Variants in HLTF observed in about 807,000 individuals in gnomAD.
The protein encoded by HLTF is DNA-dependent ATPase/E3 ubiquitin-protein ligase HLTF.
A neutral mutation model predicts 129.4 loss-of-function variants in HLTF; 127 were observed. The observed-to-expected ratio is 0.98, with a 90% CI of 0.85 to 1.14. HLTF has a LOEUF of 1.14. Ranked by LOEUF, HLTF falls within the 50% of genes most tolerant of loss-of-function variation. HLTF has a pLI of 0.00. For missense variants in HLTF, 1,139 were observed against 1,187.1 expected (o/e 0.96, Z 0.60); for synonymous variants, 332 against 388.8 (o/e 0.85, Z 1.72).
In HLTF at chr3:149,048,141, T is replaced by G; in HGVS notation, c.1779A>C (p.Leu593Phe). 1.2e-6 allele frequency: 2 copies of G among 1,609,322 alleles called. No homozygotes were observed. Among genetic ancestry groups the G allele is most frequent in the South Asian group, 2.2e-5 (2 of 90,140 alleles). ...AGGAAAGAAGAGACCACAAGTCCTTTAAAGAATTCTGGATTGGAGTACCTA... is the reference window on the plus strand; with the variant it reads ...AGGAAAGAAGAGACCACAAGTCCTTGAAAGAATTCTGGATTGGAGTACCTA... ...VLTGTPIQNS[L>F]KDLWSLLSFL... Residue 593 changes from leucine to phenylalanine, a missense_variant, in exon 17 of 25, where the codon TTA becomes TTC. Coordinates refer to ENST00000310053, the MANE Select transcript of HLTF (RefSeq NM_003071.4).
intron 14 of HLTF, among the ~76,000 whole-genome samples, chr3:149,054,450 A>T (rs1430198922): frequency 6.6e-6 from 1 of 152,178 alleles, no homozygotes; most frequent in Non-Finnish European, 1.5e-5. Flanking sequence ...TCTTAAAAAG[A>T]GTAGGATCTC....
chr3:149,042,032 G>A, intron 19 of HLTF, 134 bp downstream of exon 19: 1 of 734,992 alleles, frequency 1.4e-6, no homozygotes, highest in South Asian at 1.9e-5. Context: ...ATTCCTAGCT[G>A]AGTCTCACAC....
intron 2 of HLTF, 71 bp downstream of exon 2, chr3:149,084,611 G>T: frequency 9.1e-7 from 1 of 1,099,702 alleles, no homozygotes; most frequent in Non-Finnish European, 1.3e-6. Context: ...CACATCACCT[G>T]CGAATTCTCT....
intron 4 of HLTF, among the ~76,000 whole-genome samples, chr3:149,074,009 C>T (rs1486179962): frequency 6.6e-6 from 1 of 152,060 alleles, no homozygotes; most frequent in Non-Finnish European, 1.5e-5. Flanking sequence ...TCCCCTCACT[C>T]TTACTGTGTA....
At chr3:149,050,597 G>A (rs1716904249) in intron 14 of HLTF, among the ~76,000 whole-genome samples, 1 of 152,098 alleles carries the variant, frequency 6.6e-6, no homozygotes, top group African/African-American at 2.4e-5. Flanking sequence ...CTACCAATCA[G>A]CAACTGCTTC....
At position 149,040,051 on chromosome 3, in the gene HLTF, C is replaced by A. The variant is rs752525526; in HGVS notation, c.2482G>T (p.Glu828Ter). 1.9e-6 allele frequency: 3 copies of A among 1,611,176 alleles called. No homozygotes were observed. The South Asian group carries it at 3.3e-5, about 18-fold the overall frequency. ...ARDSEKKSDM[E>*]WTSSSKINAL... ...TTTACCTTTGAACTGGATGTCCATT[C>A]CATATCAGACTTTTTCTCACTGTCA... Residue 828 changes from glutamate (E) to a stop codon, truncating the protein, a stop_gained, in exon 21 of 25, where the codon GAA becomes TAA. Coordinates refer to ENST00000310053, the MANE Select transcript of HLTF (RefSeq NM_003071.4). LOFTEE classifies it high-confidence loss of function.
intron 23 of HLTF, among the ~76,000 whole-genome samples, chr3:149,037,686 G>C (rs1466524034): frequency 6.6e-6 from 1 of 152,114 alleles, no homozygotes; most frequent in Non-Finnish European, 1.5e-5. Flanking sequence ...ATTCCTACAT[G>C]TATCTCAGTA....
At chr3:149,079,030 C>A (rs1719642126) in intron 2 of HLTF, among the ~76,000 whole-genome samples, 1 of 151,846 alleles carries the variant, frequency 6.6e-6, no homozygotes, top group African/African-American at 2.4e-5. Flanking sequence ...TTTGAGCAGG[C>A]ATAAGAAAAA....
At position 149,030,334 on chromosome 3, in the gene HLTF, T is replaced by G. The variant is rs1714896140; in HGVS notation, c.*1886A>C. On this transcript the variant is annotated 3_prime_UTR_variant, in exon 25 of 25. Coordinates refer to ENST00000310053, the MANE Select transcript of HLTF (RefSeq NM_003071.4). ...CCTTCTTAGGAAGGACAAATTAAAT[T>G]TTTTAAATTAAACTTTTAAAATATA... The G allele has an allele frequency of 6.6e-6, 1 of 152,194 alleles. No individual in the cohort carries two copies. Among genetic ancestry groups the G allele is most frequent in the Admixed American group, 6.5e-5 (1 of 15,280 alleles). The allele number at this position is 152,194 out of a possible 1,614,324, so 9.4% of individuals were successfully genotyped here.
At position 149,042,219 on chromosome 3, in the gene HLTF, AT is replaced by A; in HGVS notation, c.2143del (p.Ile715PhefsTer26). ...TGTAAGAAGGTAAGTATGGCAACAAATTTGCCGCAGTCTAAGCAAAAGACCC... is the reference window on the plus strand; with the variant it reads ...TGTAAGAAGGTAAGTATGGCAACAAATTGCCGCAGTCTAAGCAAAAGACCC... ...VLGLLLRLRQ[I>X]CCHTYLLTNA... On this transcript the variant is annotated frameshift_variant, in exon 19 of 25. Coordinates refer to ENST00000310053, the MANE Select transcript of HLTF (RefSeq NM_003071.4). LOFTEE classifies it high-confidence loss of function. 6.2e-7 allele frequency: 1 copy of A among 1,613,272 alleles called. No individual in the cohort carries two copies. Among genetic ancestry groups the A allele is most frequent in the South Asian group, 1.1e-5 (1 of 91,050 alleles).
intron 8 of HLTF, among the ~76,000 whole-genome samples, chr3:149,065,477 C>T (rs1718286718): frequency 6.6e-6 from 1 of 152,086 alleles, no homozygotes; most frequent in African/African-American, 2.4e-5. Flanking sequence ...AAAATCCCCC[C>T]TTAGAGTTAA....
In HLTF at chr3:149,086,357, G is replaced by C. The variant is rs1268474583; in HGVS notation, c.-21C>G. 4.4e-6 allele frequency: 7 copies of C among 1,583,690 alleles called. No individual in the cohort carries two copies. The highest frequency in any genetic ancestry group is 2.3e-5 in the East Asian group (1 of 43,372). ...GACATGGCGCTGAGTGGGATGACAA[G>C]AGGAGCGCCTCGGCTCCCCTGGATC... On this transcript the variant is annotated 5_prime_UTR_variant, in exon 1 of 25. Coordinates refer to ENST00000310053, the MANE Select transcript of HLTF (RefSeq NM_003071.4).
chr3:149,039,954 C>A (rs939613457), intron 21 of HLTF, 77 bp downstream of exon 21: 3 of 1,281,766 alleles, frequency 2.3e-6, no homozygotes, highest in Non-Finnish European at 3.2e-6. Flanking sequence ...AGCAGAATTA[C>A]GATTTTGATA....
intron 11 of HLTF, 43 bp from the exon 12 acceptor site, chr3:149,060,730 G>C (rs562227001): frequency 2.5e-6 from 4 of 1,604,108 alleles, no homozygotes; most frequent in Non-Finnish European, 3.4e-6. Context: ...GGCAAAACAG[G>C]ACATTAGAAT....
At chr3:149,077,199 GAT>G (rs1292993087) in intron 2 of HLTF, among the ~76,000 whole-genome samples, 3 of 151,894 alleles carry the variant, frequency 2.0e-5, no homozygotes, top group Non-Finnish European at 4.4e-5. Flanking sequence ...AGTGAGCCAA[GAT>G]AGTGCCCCTG....
chr3:149,063,528 T>C lies in HLTF; in HGVS notation c.1067-4A>G, dbSNP rs777498395. 6 of 1,555,806 alleles carry C rather than the reference T, an allele frequency of 3.9e-6. No individual in the cohort carries two copies. The highest frequency in any genetic ancestry group is 5.3e-6 in the Non-Finnish European group (6 of 1,127,474). Reference sequence around the variant, plus strand: ...TGTTCACTACATCTAGATGCGTCTATTTCAAAGAAAAATGCAAATATAAAG... The same window carrying C: ...TGTTCACTACATCTAGATGCGTCTACTTCAAAGAAAAATGCAAATATAAAG... On this transcript the variant is annotated splice_region_variant and splice_polypyrimidine_tract_variant and intron_variant, in intron 9 of 24. Coordinates refer to ENST00000310053, the MANE Select transcript of HLTF (RefSeq NM_003071.4).
intron 13 of HLTF, among the ~76,000 whole-genome samples, chr3:149,058,324 C>T (rs1717647840): frequency 1.3e-5 from 2 of 152,108 alleles, no homozygotes; most frequent in South Asian, 4.1e-4. Flanking sequence ...TCCCAAAGTG[C>T]TGCAATTTCA....
intron 23 of HLTF, among the ~76,000 whole-genome samples, chr3:149,036,196 G>A (rs138867242): frequency 6.6e-6 from 1 of 151,500 alleles, no homozygotes; most frequent in Non-Finnish European, 1.5e-5. Flanking sequence ...AATGAAAAGG[G>A]AAGAATAACC....
At position 149,065,863 on chromosome 3, in the gene HLTF, G is replaced by A. The variant is rs1054159666; in HGVS notation, c.991-997C>T. The stretch of plus-strand genomic sequence containing the variant: ...CCAAATACAATATTTTTAGAGATAC[G>A]TAACTAGAAGAGTTACTTTAGACAG... On this transcript the variant is annotated intron_variant, in intron 8 of 24. Transcript: ENST00000310053. Among the ~76,000 whole-genome samples, 7 of 152,088 alleles carry A rather than the reference G, an allele frequency of 4.6e-5. No individual in the cohort carries two copies. The East Asian group carries it at 1.3e-3, about 29-fold the overall frequency.
Sources: gnomAD v4.1 joint callset for allele counts (sites outside exome capture counted in the v4.1 genomes callset) on GRCh38, gnomAD v4.1.1 for gene constraint, MANE v1.5 for transcripts, NCBI Gene and HGNC (gene_info 2026-07-23, HGNC 2026-07-21) for gene names.